Variants in EPM2A observed in about 807,000 individuals in gnomAD.
EPM2A encodes the protein laforin.
Under a neutral mutation model 26.5 loss-of-function variants are expected in EPM2A, and 21 were observed. That is an observed-to-expected ratio of 0.79 (90% CI 0.56 to 1.14). The LOEUF (loss-of-function observed/expected upper bound fraction) is 1.14. EPM2A is among the 50% of genes most tolerant of loss of function. EPM2A has a pLI of 0.00. For missense variants in EPM2A, 458 were observed against 440.8 expected, an observed-to-expected ratio of 1.04 and a Z score of -0.35; for synonymous variants, 217 against 177.6, an observed-to-expected ratio of 1.22 and a Z score of -1.76.
intron 2 of EPM2A, among the ~76,000 whole-genome samples, chr6:145,572,044 A>G (rs1054355204): frequency 6.6e-6 from 1 of 152,174 alleles, no homozygotes; most frequent in Non-Finnish European, 1.5e-5. Flanking sequence ...CAGCCAAACC[A>G]TTGGCTACAG....
intron 2 of EPM2A, among the ~76,000 whole-genome samples, chr6:145,532,681 C>T (rs959345263): frequency 6.6e-6 from 1 of 152,174 alleles, no homozygotes; most frequent in Non-Finnish European, 1.5e-5. Context: ...AGCATAATAT[C>T]TGTGTCAGTG....
rs978653684 is a variant in EPM2A at position 145,427,520 on chromosome 6, G to A, written c.556-43423C>T. The stretch of plus-strand genomic sequence containing the variant: ...AATAGGGGTGGAGGTGTCACAGTGC[G>A]TCTCCTAGAAACTTGAAAGTTCGCA... On this transcript the variant is annotated intron_variant, in intron 4 of 4. Transcript: ENST00000638717. Among the ~76,000 whole-genome samples the A allele has an allele frequency of 4.6e-5, 7 of 152,106 alleles. No individual in the cohort carries two copies. In the South Asian group the frequency reaches 6.2e-4, roughly 14 times the overall value.
downstream of EPM2A, among the ~76,000 whole-genome samples, chr6:145,500,909 T>C (rs1020807208): frequency 6.6e-6 from 1 of 152,336 alleles, no homozygotes; most frequent in Middle Eastern, 3.4e-3. Flanking sequence ...CAGGTAGGTT[T>C]GATGTGTAGA....
At chr6:145,431,131 A>C (rs1003297773) in intron 4 of EPM2A, among the ~76,000 whole-genome samples, 1 of 152,228 alleles carries the variant, frequency 6.6e-6, no homozygotes, top group Non-Finnish European at 1.5e-5. Context: ...ACAACAGCAG[A>C]GAGATAGAAA....
chr6:145,408,185 T>C (rs1165473599), intron 4 of EPM2A, among the ~76,000 whole-genome samples: 1 of 152,196 alleles, frequency 6.6e-6, no homozygotes, highest in Non-Finnish European at 1.5e-5. Context: ...TTTGCTATTA[T>C]ACAAATAACA....
At chr6:145,470,487 T>C (rs1310537347) in intron 4 of EPM2A, among the ~76,000 whole-genome samples, 1 of 152,200 alleles carries the variant, frequency 6.6e-6, no homozygotes, top group Non-Finnish European at 1.5e-5. Context: ...CACTGCTTTT[T>C]AATATTCCAT....
chr6:145,607,933 G>A (rs1329459912), intron 2 of EPM2A, among the ~76,000 whole-genome samples: 2 of 152,124 alleles, frequency 1.3e-5, no homozygotes, highest in Non-Finnish European at 2.9e-5. Flanking sequence ...TGAGGCCAAC[G>A]CTTACCATGT....
chr6:145,469,373 A>C (rs1376082589), intron 4 of EPM2A, among the ~76,000 whole-genome samples: 1 of 152,100 alleles, frequency 6.6e-6, no homozygotes, highest in Non-Finnish European at 1.5e-5. Flanking sequence ...AAACCATATC[A>C]ACATTTCTCA....
At chr6:145,534,633 C>T (rs1041345570) in intron 2 of EPM2A, among the ~76,000 whole-genome samples, 2 of 152,214 alleles carry the variant, frequency 1.3e-5, no homozygotes, top group Admixed American at 1.3e-4. Flanking sequence ...GAAATTGGCT[C>T]ACTTTTGGTG....
At chr6:145,423,108 C>T (rs749778002) in intron 4 of EPM2A, among the ~76,000 whole-genome samples, 1 of 152,044 alleles carries the variant, frequency 6.6e-6, no homozygotes, top group Non-Finnish European at 1.5e-5. Context: ...ACCCTCAACA[C>T]CTTTCCTTTT....
chr6:145,707,668 G>A (rs896487495), intron 1 of EPM2A, among the ~76,000 whole-genome samples: 5 of 152,106 alleles, frequency 3.3e-5, no homozygotes, highest in African/African-American at 4.8e-5. Flanking sequence ...TTTGCCTTCC[G>A]CCATGATTGT....
intron 4 of EPM2A, among the ~76,000 whole-genome samples, chr6:145,466,709 C>T (rs537581515): frequency 4.9e-4 from 75 of 152,212 alleles, no homozygotes; most frequent in African/African-American, 1.8e-3. Context: ...TTTATTGCGG[C>T]ATTATTCACA....
At chr6:145,533,404 T>C (rs914160666) in intron 2 of EPM2A, among the ~76,000 whole-genome samples, 1 of 152,170 alleles carries the variant, frequency 6.6e-6, no homozygotes, top group African/African-American at 2.4e-5. Context: ...GTAAGTCTCA[T>C]AAAATGCAGA....
intron 2 of EPM2A, among the ~76,000 whole-genome samples, chr6:145,541,329 T>C (rs1012620782): frequency 7.5e-6 from 1 of 132,462 alleles, no homozygotes; most frequent in African/African-American, 2.7e-5. Flanking sequence ...TATATATGTG[T>C]ATATATATGT....
intron 1 of EPM2A, among the ~76,000 whole-genome samples, chr6:145,711,284 A>T (rs1036270655): frequency 6.6e-5 from 10 of 152,212 alleles, no homozygotes; most frequent in Admixed American, 2.6e-4. Context: ...GATGTGGCTG[A>T]AGAAATACTC....
intron 2 of EPM2A, among the ~76,000 whole-genome samples, chr6:145,551,860 A>C (rs1167819300): frequency 6.7e-6 from 1 of 148,848 alleles, no homozygotes; most frequent in Non-Finnish European, 1.5e-5. Context: ...ATGTACTTAA[A>C]CTTTTTTTTT....
intron 4 of EPM2A, among the ~76,000 whole-genome samples, chr6:145,464,374 T>C (rs529666906): frequency 3.3e-5 from 5 of 152,288 alleles, no homozygotes; most frequent in African/African-American, 7.2e-5. Context: ...AAATTCTTTA[T>C]AGCAGTGTGT....
intron 2 of EPM2A, among the ~76,000 whole-genome samples, chr6:145,606,119 C>T (rs535656411): frequency 4.2e-4 from 63 of 151,742 alleles, no homozygotes; most frequent in African/African-American, 1.2e-3. Context: ...ACAATGAAAA[C>T]GAAATTTATA....
intron 2 of EPM2A, among the ~76,000 whole-genome samples, chr6:145,570,503 C>G (rs938250084): frequency 2.0e-5 from 3 of 152,176 alleles, no homozygotes; most frequent in Non-Finnish European, 4.4e-5. Context: ...TCTTAGTATA[C>G]GTGTACACAT....
Sources: gnomAD v4.1 joint callset for allele counts (sites outside exome capture counted in the v4.1 genomes callset) on GRCh38, gnomAD v4.1.1 for gene constraint, MANE v1.5 for transcripts, NCBI Gene and HGNC (gene_info 2026-07-23, HGNC 2026-07-21) for gene names.